The following PCDHGA1 variants were observed in gnomAD, a reference collection of about 807,000 sequenced individuals.
PCDHGA1 encodes protocadherin gamma-A1.
PCDHGA1 carries 32 observed loss-of-function variants against 58.0 expected under a neutral mutation model. The ratio of observed to expected loss-of-function variants is 0.55; its 90% confidence interval spans 0.42 to 0.74. The LOEUF is 0.74. PCDHGA1 is among the 30% of genes least tolerant of loss of function. The probability of loss-of-function intolerance (pLI) is 0.00; values close to 1 mark genes in which losing one functional copy is unlikely to be tolerated. For synonymous variants in PCDHGA1, 498 were observed against 501.1 expected, an observed-to-expected ratio of 0.99 and a Z score of 0.08; for missense variants, 1,205 against 1,182.3, an observed-to-expected ratio of 1.02 and a Z score of -0.28.
intron 1 of PCDHGA1, chr5:141,478,367 C>T (rs2099451272): frequency 1.2e-6 from 2 of 1,613,750 alleles, no homozygotes; most frequent in South Asian, 2.2e-5. Context: ...GCGGGGAGGC[C>T]TGATGTCGCC....
intron 1 of PCDHGA1, among the ~76,000 whole-genome samples, chr5:141,347,769 A>G (rs1432811410): frequency 6.6e-6 from 1 of 151,814 alleles, no homozygotes; most frequent in African/African-American, 2.4e-5. Context: ...CTGGGGCAAT[A>G]GAGAGAGACT....
At chr5:141,339,021 G>C (rs770130711) in intron 1 of PCDHGA1, 1 of 1,590,916 alleles carries the variant, frequency 6.3e-7, no homozygotes, top group Non-Finnish European at 8.6e-7. Flanking sequence ...GTCCTGCTGT[G>C]CTTCCTTTTG....
chr5:141,388,871 C>T, intron 1 of PCDHGA1: 2 of 1,613,930 alleles, frequency 1.2e-6, no homozygotes, highest in Non-Finnish European at 8.5e-7. Flanking sequence ...TTGCGCAATG[C>T]ACAGTGGAGG....
chr5:141,432,053 C>T lies in PCDHGA1; in HGVS notation c.2422-62754C>T. The T allele has an allele frequency of 6.2e-7, 1 of 1,614,240 alleles. No homozygotes were observed. Among genetic ancestry groups the T allele is most frequent in the South Asian group, 1.1e-5 (1 of 91,082 alleles). ...CGCCACTGACCGGGGAACCCCGCCC[C>T]TATCCACGGAAACTCATATCTCGCT... On this transcript the variant is annotated intron_variant, in intron 1 of 3. Transcript: ENST00000517417. The surrounding 1 kb of genome is among the most constrained non-coding windows in gnomAD (Gnocchi z 6.0).
rs138881803 is a variant in PCDHGA1 at position 141,361,343 on chromosome 5, A to G, written c.2421+28238A>G. On this transcript the variant is annotated intron_variant, in intron 1 of 3. Transcript: ENST00000517417. ...AAATCTTCCTCAAAGAACTATTACA[A>G]ACTAGTGACAGACGGCGCTCTGGAC... is the stretch of plus-strand genomic sequence containing the variant. 47 of 1,613,938 alleles carry G rather than the reference A, an allele frequency of 2.9e-5. No homozygotes were observed. In the African/African-American group the frequency reaches 6.0e-4, roughly 21 times the overall value.
chr5:141,432,173 G>C lies in PCDHGA1; in HGVS notation c.2422-62634G>C, dbSNP rs771177256. On this transcript the variant is annotated intron_variant, in intron 1 of 3. Transcript: ENST00000517417. This position sits in a 1 kb window ranked among gnomAD's most constrained non-coding sequence, Gnocchi z 6.0. ...GAACAATCCCAGAGGAGTTTCCCTC[G>C]TCTCTGTGACCGCCCACGACCCCGA... The C allele has an allele frequency of 3.1e-6, 5 of 1,614,054 alleles. No homozygotes were observed. Among genetic ancestry groups the C allele is most frequent in the South Asian group, 1.1e-5 (1 of 91,054 alleles).
intron 1 of PCDHGA1, chr5:141,361,829 C>T (rs1404954356): frequency 4.3e-6 from 7 of 1,612,986 alleles, no homozygotes; most frequent in Non-Finnish European, 5.9e-6. Flanking sequence ...GTGCTGTACC[C>T]CGCGCTGGGG....
At chr5:141,405,261 T>A (rs1445565178) in intron 1 of PCDHGA1, 1 of 1,613,852 alleles carries the variant, frequency 6.2e-7, no homozygotes, top group South Asian at 1.1e-5. Context: ...CACCTGATCT[T>A]CCCCCAGCCC....
At chr5:141,417,602 C>T (rs556223277) in intron 1 of PCDHGA1, 2 of 510,170 alleles carry the variant, frequency 3.9e-6, no homozygotes, top group Admixed American at 3.8e-5. Context: ...TGGGCGCCGC[C>T]GTCGGCCAGT....
In PCDHGA1 at chr5:141,417,713, C is replaced by T. The variant is rs905298887; in HGVS notation, c.2422-77094C>T. 1.3e-4 allele frequency: 160 copies of T among 1,271,624 alleles called. No homozygotes were observed. In the Admixed American group the frequency reaches 4.6e-3, roughly 37 times the overall value. The allele number at this position is 1,271,624 out of a possible 1,614,324, so 78.8% of individuals were successfully genotyped here. On this transcript the variant is annotated intron_variant, in intron 1 of 3. Transcript: ENST00000517417. ...AAACCAGCTCCCACACAGAGGCTCC[C>T]GGCTGCGCAGACCTTGCCCAGCACA... is the stretch of plus-strand genomic sequence containing the variant.
chr5:141,372,217 T>A (rs1267940459), intron 1 of PCDHGA1: 1 of 1,613,564 alleles, frequency 6.2e-7, no homozygotes, highest in Admixed American at 1.7e-5. Context: ...TCCTACCACA[T>A]TGTGCAGGCC....
chr5:141,340,174 C>G, intron 1 of PCDHGA1: 2 of 1,614,214 alleles, frequency 1.2e-6, no homozygotes, highest in Non-Finnish European at 1.7e-6. Flanking sequence ...TAGACAATTA[C>G]TACCGACTGG....
intron 1 of PCDHGA1, chr5:141,392,892 G>A (rs2092623669): frequency 6.2e-7 from 1 of 1,613,702 alleles, no homozygotes; most frequent in Non-Finnish European, 8.5e-7. Context: ...GTGGGAAATC[G>A]GGAGGGGACA....
At chr5:141,483,660 G>T (rs943362284) in intron 1 of PCDHGA1, among the ~76,000 whole-genome samples, 4 of 152,094 alleles carry the variant, frequency 2.6e-5, no homozygotes, top group Admixed American at 2.0e-4. Flanking sequence ...GTGTGTGTGT[G>T]TGTGTGTGTA....
chr5:141,343,526 T>C (rs1249612516), intron 1 of PCDHGA1, among the ~76,000 whole-genome samples: 1 of 152,226 alleles, frequency 6.6e-6, no homozygotes, highest in Non-Finnish European at 1.5e-5. Flanking sequence ...AGTTCTTTGT[T>C]ACTGTGTGTT....
In PCDHGA1 at chr5:141,432,075, C is replaced by G. The variant is rs2097446801; in HGVS notation, c.2422-62732C>G. 2 of 1,614,086 alleles carry G rather than the reference C, an allele frequency of 1.2e-6. No individual in the cohort carries two copies. Among genetic ancestry groups the G allele is most frequent in the Non-Finnish European group, 1.7e-6 (2 of 1,180,054 alleles). ...CCCCTATCCACGGAAACTCATATCT[C>G]GCTGAACGTGGCAGACACCAACGAC... On this transcript the variant is annotated intron_variant, in intron 1 of 3. Transcript: ENST00000517417. This position sits in a 1 kb window ranked among gnomAD's most constrained non-coding sequence, Gnocchi z 6.0.
Position 141,332,170 on chromosome 5 carries a change from A to C in PCDHGA1, c.1486A>C (p.Ile496Leu). The C allele has an allele frequency of 6.2e-7, 1 of 1,614,192 alleles. No homozygotes were observed. Among genetic ancestry groups the C allele is most frequent in the Non-Finnish European group, 8.5e-7 (1 of 1,180,034 alleles). ...CACTTACTCCCTAATAGAGGACACT[A>C]TCCAGGGGGCACCCCTATCTGCCTA... ...QITYSLIEDT[I>L]QGAPLSAYLS... Residue 496 changes from isoleucine to leucine, a missense_variant, in exon 1 of 4, where the codon ATC becomes CTC. By Grantham distance (5) the Ile-to-Leu change is conservative. Transcript: ENST00000517417. This position sits in a 1 kb window ranked among gnomAD's most constrained non-coding sequence, Gnocchi z 4.6.
intron 1 of PCDHGA1, chr5:141,427,865 G>T: frequency 6.4e-7 from 1 of 1,558,148 alleles, no homozygotes; most frequent in Non-Finnish European, 8.8e-7. Context: ...GCGCCTTCGA[G>T]CTCACGATGC....
intron 1 of PCDHGA1, among the ~76,000 whole-genome samples, chr5:141,447,450 C>G (rs540357899): frequency 1.3e-5 from 2 of 152,082 alleles, no homozygotes; most frequent in African/African-American, 2.4e-5. Context: ...AATTTTTAAC[C>G]TCAGTTTTTC....
Sources: gnomAD v4.1 joint callset for allele counts (sites outside exome capture counted in the v4.1 genomes callset) on GRCh38, gnomAD v4.1.1 for gene constraint, Gnocchi (gnomAD v3.1) non-coding constraint, MANE v1.5 for transcripts, NCBI Gene and HGNC (gene_info 2026-07-23, HGNC 2026-07-21) for gene names.